The following ITGA1 variants were observed in gnomAD, a reference collection of about 807,000 sequenced individuals.
ITGA1 encodes integrin subunit alpha 1.
ITGA1 carries 85 observed loss-of-function variants against 145.9 expected under a neutral mutation model. That is an observed-to-expected ratio of 0.58 (90% CI 0.49 to 0.70). ITGA1 has a LOEUF of 0.70. ITGA1 is among the 30% of genes least tolerant of loss of function. The probability of loss-of-function intolerance (pLI) is 0.00; values close to 1 mark genes in which losing one functional copy is unlikely to be tolerated. For synonymous variants in ITGA1, 520 were observed against 495.3 expected (o/e 1.05, Z -0.66); for missense variants, 1,351 against 1,418.7 (o/e 0.95, Z 0.77).
chr5:52,868,826 A>G (rs1352614560), intron 6 of ITGA1, among the ~76,000 whole-genome samples: 2 of 152,208 alleles, frequency 1.3e-5, no homozygotes, highest in East Asian at 3.9e-4. Flanking sequence ...GAAGCTGATT[A>G]TATTTCTGAA....
chr5:52,863,002 T>C (rs1749631899), intron 3 of ITGA1, among the ~76,000 whole-genome samples: 1 of 152,226 alleles, frequency 6.6e-6, no homozygotes, highest in African/African-American at 2.4e-5. Flanking sequence ...TTTCCATTTA[T>C]TACCTTTCCT....
rs781688338 is a variant in ITGA1, at chr5:52,856,249, C to T, written c.183-5198C>T. Among the ~76,000 whole-genome samples, 196 of 152,278 alleles carry T rather than the reference C, an allele frequency of 1.3e-3. 2 individuals are homozygous for T. The highest frequency in any genetic ancestry group is 4.7e-4 in the Non-Finnish European group (32 of 68,016). On this transcript the variant is annotated intron_variant, in intron 2 of 28. Coordinates refer to ENST00000282588, the MANE Select transcript of ITGA1 (RefSeq NM_181501.2). ...CCATCTTCATTCTCCTGTCTCCACA[C>T]TTTTCCCTGGGCTATCCATATCTCC...
chr5:52,932,683 TA>T (rs1750910196), intron 22 of ITGA1: 2 of 152,180 alleles, frequency 1.3e-5, no homozygotes, highest in African/African-American at 4.8e-5. Context: ...TTCCCCTGCT[TA>T]AGCAGAACTC....
intron 1 of ITGA1, among the ~76,000 whole-genome samples, chr5:52,832,779 G>GTGTC (rs1554042264): frequency 4.5e-5 from 6 of 132,274 alleles, no homozygotes; most frequent in Admixed American, 1.5e-4. Context: ...GTGTGTGTGT[G>GTGTC]TGTGTGTGTG....
intron 17 of ITGA1, 96 bp downstream of exon 17, chr5:52,920,564 C>T (rs1750716028): frequency 9.8e-7 from 1 of 1,019,006 alleles, no homozygotes; most frequent in East Asian, 2.9e-5. Flanking sequence ...TGTTTTATTT[C>T]AAAATGCACT....
chr5:52,894,520 C>CAA (rs796541284), intron 9 of ITGA1, among the ~76,000 whole-genome samples: 4 of 145,826 alleles, frequency 2.7e-5, no homozygotes, highest in African/African-American at 1.0e-4. Flanking sequence ...TCCTAAAAAA[C>CAA]AAAAAAAAAA....
rs1015033227 is a variant in ITGA1, at chr5:52,931,092, G to A, written c.2772-955G>A. On this transcript the variant is annotated intron_variant, in intron 21 of 28. Coordinates refer to ENST00000282588, the MANE Select transcript of ITGA1 (RefSeq NM_181501.2). ...CACTTTATACATTTGGGAATAAGCA[G>A]AGCCATTAAAAAGTACTCTTATGCC... 2.0e-5 allele frequency: 3 copies of A among 152,178 alleles called. No individual in the cohort carries two copies. The East Asian group carries it at 5.8e-4, about 29-fold the overall frequency. The allele number at this position is 152,178 out of a possible 1,614,324, so 9.4% of individuals were successfully genotyped here.
chr5:52,860,289 T>C (rs1413060194), intron 2 of ITGA1, among the ~76,000 whole-genome samples: 1 of 152,246 alleles, frequency 6.6e-6, no homozygotes, highest in African/African-American at 2.4e-5. Context: ...GGCTCATGCC[T>C]GTAATCCCAG....
At position 52,954,764 on chromosome 5, in the gene ITGA1, A is replaced by T. The variant is rs1190988534; in HGVS notation, c.*2313A>T. On this transcript the variant is annotated 3_prime_UTR_variant, in exon 29 of 29. Coordinates refer to ENST00000282588, the MANE Select transcript of ITGA1 (RefSeq NM_181501.2). ...AGACAAGTTTGATTCATCTAGTTTC[A>T]TATAGTTTCATATAGTTTCATTTTT... 6.7e-6 allele frequency: 1 copy of T among 148,538 alleles called. No homozygotes were observed. Among genetic ancestry groups the T allele is most frequent in the African/African-American group, 2.5e-5 (1 of 40,104 alleles). 9.2% of individuals were successfully genotyped at this position (148,538 alleles called of 1,614,324 possible).
At chr5:52,825,508 A>G (rs1305262616) in intron 1 of ITGA1, among the ~76,000 whole-genome samples, 2 of 152,218 alleles carry the variant, frequency 1.3e-5, no homozygotes, top group East Asian at 3.8e-4. Flanking sequence ...CTGTGCCTAT[A>G]TAAGATGGAA....
chr5:52,858,346 G>A (rs1467980593), intron 2 of ITGA1, among the ~76,000 whole-genome samples: 1 of 152,092 alleles, frequency 6.6e-6, no homozygotes, highest in East Asian at 1.9e-4. Flanking sequence ...TGAGCTACTT[G>A]GCATTTATCA....
intron 8 of ITGA1, among the ~76,000 whole-genome samples, chr5:52,888,638 G>A (rs1393362829): frequency 6.6e-6 from 1 of 152,208 alleles, no homozygotes; most frequent in African/African-American, 2.4e-5. Flanking sequence ...TTCTAGTGGG[G>A]AACAAGTTCT....
chr5:52,911,635 TATATAGTGTATCTACTATATATACTATAC>T (rs1561246443), intron 14 of ITGA1, among the ~76,000 whole-genome samples: 21 of 39,376 alleles, frequency 5.3e-4, no homozygotes, highest in African/African-American at 1.4e-3. Flanking sequence ...ATATATACTA[TATATAGTGTATCTACTATATATACTATAC>T]ATATAGTGTA....
chr5:52,915,721 T>C, intron 15 of ITGA1, 127 bp downstream of exon 15: 2 of 1,140,766 alleles, frequency 1.8e-6, no homozygotes, highest in East Asian at 2.4e-5. Flanking sequence ...ATACAAGTTA[T>C]TCAGTTGAGT....
intron 1 of ITGA1, among the ~76,000 whole-genome samples, chr5:52,848,696 T>G (rs768525137): frequency 6.6e-6 from 1 of 152,002 alleles, no homozygotes; most frequent in Admixed American, 6.6e-5. Context: ...TCATTTACAT[T>G]AGGTATATCT....
intron 6 of ITGA1, among the ~76,000 whole-genome samples, chr5:52,873,137 T>C (rs1442921886): frequency 6.6e-6 from 1 of 152,210 alleles, no homozygotes; most frequent in Non-Finnish European, 1.5e-5. Context: ...TCGTTGTTTT[T>C]AGTGACCTCT....
chr5:52,849,500 T>C lies in ITGA1; in HGVS notation c.182+15T>C. On this transcript the variant is annotated intron_variant, in intron 2 of 28. Transcript: ENST00000282588. ...GAAGGAAAATGGTAAGCCAGTGGGT[T>C]TTGTTGTTGTTATTTACTTATTTCA... is the stretch of plus-strand genomic sequence containing the variant. The C allele has an allele frequency of 6.3e-7, 1 of 1,577,482 alleles. No individual in the cohort carries two copies. The highest frequency in any genetic ancestry group is 8.6e-7 in the Non-Finnish European group (1 of 1,156,322).
chr5:52,862,391 C>T (rs1749621962), intron 3 of ITGA1, among the ~76,000 whole-genome samples: 1 of 151,992 alleles, frequency 6.6e-6, no homozygotes. Context: ...TTTCTATAAT[C>T]ATTTATCTTC....
intron 14 of ITGA1, among the ~76,000 whole-genome samples, chr5:52,914,182 A>T (rs950353729): frequency 6.6e-6 from 1 of 152,200 alleles, no homozygotes; most frequent in Non-Finnish European, 1.5e-5. Context: ...TTAGAGTTGG[A>T]TTTGTTTAAT....
Sources: allele counts gnomAD v4.1 joint callset (sites outside exome capture counted in the v4.1 genomes callset), GRCh38; gene constraint gnomAD v4.1.1; transcripts MANE v1.5; gene names NCBI Gene and HGNC (gene_info 2026-07-23, HGNC 2026-07-21).